Variants in ELOVL4 observed in about 807,000 individuals in gnomAD.
ELOVL4 encodes very long chain fatty acid elongase 4.
ELOVL4 carries 18 observed loss-of-function variants against 42.1 expected under a neutral mutation model. The ratio of observed to expected loss-of-function variants is 0.43; its 90% CI spans 0.30 to 0.63. The LOEUF (loss-of-function observed/expected upper bound fraction) is 0.63, where lower values mean the gene tolerates loss of function less well. ELOVL4 is among the 30% of genes least tolerant of loss of function. The pLI is 0.15. For synonymous variants in ELOVL4, 117 were observed against 127.0 expected (o/e 0.92, Z 0.53); for missense variants, 299 against 376.2 (o/e 0.79, Z 1.70).
intron 3 of ELOVL4, 141 bp from the exon 4 acceptor site, chr6:79,921,937 T>C (rs1265594278): frequency 1.3e-5 from 10 of 792,616 alleles, no homozygotes; most frequent in Non-Finnish European, 1.8e-5. Flanking sequence ...CTAAGTAGGT[T>C]TGAAAAACCT....
At chr6:79,917,194 C>T (rs1037442261) in intron 5 of ELOVL4, among the ~76,000 whole-genome samples, 1 of 152,046 alleles carries the variant, frequency 6.6e-6, no homozygotes, top group Non-Finnish European at 1.5e-5. Context: ...TTCTTTATTG[C>T]CTATCTTTCC....
At chr6:79,944,899 T>G (rs1774709920) in intron 1 of ELOVL4, among the ~76,000 whole-genome samples, 1 of 150,886 alleles carries the variant, frequency 6.6e-6, no homozygotes, top group Non-Finnish European at 1.5e-5. Flanking sequence ...AACCTCATCT[T>G]ATAAGCTACT....
At chr6:79,940,916 G>C (rs1774634713) in intron 1 of ELOVL4, among the ~76,000 whole-genome samples, 1 of 152,074 alleles carries the variant, frequency 6.6e-6, no homozygotes, top group Non-Finnish European at 1.5e-5. Context: ...CAAAAGCAAT[G>C]TTATTTCAAA....
At chr6:79,925,638 A>C (rs1448566911) in intron 2 of ELOVL4, among the ~76,000 whole-genome samples, 1 of 152,138 alleles carries the variant, frequency 6.6e-6, no homozygotes, top group African/African-American at 2.4e-5. Flanking sequence ...GTTGTGGAGA[A>C]TTTGCTAGTG....
At chr6:79,936,640 C>T (rs1408433314) in intron 1 of ELOVL4, among the ~76,000 whole-genome samples, 1 of 152,166 alleles carries the variant, frequency 6.6e-6, no homozygotes, top group Non-Finnish European at 1.5e-5. Flanking sequence ...CAAGAAGAGT[C>T]TTGGAAAGAG....
rs1379568215 is a variant in ELOVL4 at position 79,926,349 on chromosome 6, A to G, written c.133T>C (p.Ser45Pro). 1 of 1,613,906 alleles carries G rather than the reference A, an allele frequency of 6.2e-7. No individual in the cohort carries two copies. Among genetic ancestry groups the G allele is most frequent in the African/African-American group, 1.3e-5 (1 of 74,922 alleles). Reference protein sequence around the residue: ...KRVENWPLMQSPWPTLSISTL... With the variant: ...KRVENWPLMQPPWPTLSISTL... Reference sequence around the variant, plus strand: ...CTTATACTTAGTGTAGGCCAAGGAGACTGCATCAGAGGCCAATTTTCCACA... The same window carrying G: ...CTTATACTTAGTGTAGGCCAAGGAGGCTGCATCAGAGGCCAATTTTCCACA... Residue 45 changes from serine to proline, a missense_variant, in exon 2 of 6, where the codon TCT becomes CCT. Coordinates refer to ENST00000369816, the MANE Select transcript of ELOVL4 (RefSeq NM_022726.4).
At chr6:79,934,084 G>A (rs1401178591) in intron 1 of ELOVL4, among the ~76,000 whole-genome samples, 1 of 152,216 alleles carries the variant, frequency 6.6e-6, no homozygotes, top group Non-Finnish European at 1.5e-5. Context: ...GGACAGCTAG[G>A]TGGAGGCGTC....
intron 1 of ELOVL4, among the ~76,000 whole-genome samples, chr6:79,928,489 G>A (rs969329002): frequency 6.6e-6 from 1 of 152,034 alleles, no homozygotes; most frequent in Non-Finnish European, 1.5e-5. Flanking sequence ...AAGTAAAAGT[G>A]CTCATTCTTT....
intron 1 of ELOVL4, among the ~76,000 whole-genome samples, chr6:79,927,422 A>T (rs1401878718): frequency 6.6e-6 from 1 of 152,176 alleles, no homozygotes; most frequent in Non-Finnish European, 1.5e-5. Context: ...ACCAACCTAA[A>T]TGAATTTAAC....
rs1016517878 is a variant in ELOVL4, at chr6:79,947,037, C to T, written c.100+143G>A. 4.3e-6 allele frequency: 3 copies of T among 697,616 alleles called. No homozygotes were observed. The South Asian group carries it at 4.9e-5, about 11-fold the overall frequency. The allele number at this position is 697,616 out of a possible 1,614,324, so 43.2% of individuals were successfully genotyped here. On this transcript the variant is annotated intron_variant, in intron 1 of 5. Transcript: ENST00000369816. ...TTAACCAGTGCTCAACCGCAGTGCC[C>T]GCGCCGGCCCCTCCGCTGATCCGCA...
At chr6:79,943,537 T>C (rs550437524) in intron 1 of ELOVL4, among the ~76,000 whole-genome samples, 4 of 152,122 alleles carry the variant, frequency 2.6e-5, no homozygotes, top group Non-Finnish European at 4.4e-5. Flanking sequence ...TTAGGAGAAG[T>C]AGAGATGAGA....
At chr6:79,920,569 G>C (rs149651825) in intron 4 of ELOVL4, among the ~76,000 whole-genome samples, 2,494 of 152,192 alleles carry the variant, frequency 0.016, 29 homozygotes, top group South Asian at 0.038. Context: ...CTTGGGGATA[G>C]GACTCAGGTC....
chr6:79,933,328 G>T (rs151666), intron 1 of ELOVL4, among the ~76,000 whole-genome samples: 35,523 of 152,018 alleles, frequency 0.23, 6,026 homozygotes, highest in African/African-American at 0.48. Flanking sequence ...CCTCCAGGGC[G>T]TAAGCGATTT....
At position 79,915,009 on chromosome 6, in the gene ELOVL4, C is replaced by T. The variant is rs1446894019; in HGVS notation, c.*1599G>A. 1 of 152,558 alleles carries T rather than the reference C, an allele frequency of 6.6e-6. No homozygotes were observed. Among genetic ancestry groups the T allele is most frequent in the Non-Finnish European group, 1.5e-5 (1 of 67,976 alleles). The allele number at this position is 152,558 out of a possible 1,614,324, so 9.5% of individuals were successfully genotyped here. On this transcript the variant is annotated 3_prime_UTR_variant, in exon 6 of 6. Coordinates refer to ENST00000369816, the MANE Select transcript of ELOVL4 (RefSeq NM_022726.4). ...TGCAAATTTTCTGTAATTCTCATGA[C>T]TGCATGCCTTTGGGGAAAAAGTATT...
At chr6:79,939,319 C>A (rs1751511034) in intron 1 of ELOVL4, among the ~76,000 whole-genome samples, 2 of 151,872 alleles carry the variant, frequency 1.3e-5, no homozygotes, top group South Asian at 2.1e-4. Context: ...ATAAAATATA[C>A]CATCTTAATC....
intron 1 of ELOVL4, among the ~76,000 whole-genome samples, chr6:79,941,816 T>C (rs1274738243): frequency 6.6e-6 from 1 of 152,234 alleles, no homozygotes; most frequent in Non-Finnish European, 1.5e-5. Context: ...CATCTCCTGA[T>C]ACATATCATA....
intron 2 of ELOVL4, among the ~76,000 whole-genome samples, chr6:79,925,940 C>T (rs1229396992): frequency 6.6e-6 from 1 of 152,118 alleles, no homozygotes; most frequent in Admixed American, 6.6e-5. Context: ...AGTTAAATAA[C>T]TTTCAATGCC....
At chr6:79,943,951 C>T (rs1340973690) in intron 1 of ELOVL4, among the ~76,000 whole-genome samples, 4 of 152,076 alleles carry the variant, frequency 2.6e-5, no homozygotes, top group Admixed American at 1.3e-4. Flanking sequence ...GAAAAGAGGG[C>T]CAATGCCAAT....
At chr6:79,943,601 T>C (rs182366982) in intron 1 of ELOVL4, among the ~76,000 whole-genome samples, 9 of 152,302 alleles carry the variant, frequency 5.9e-5, no homozygotes, top group African/African-American at 1.7e-4. Context: ...GTCCTGAGTC[T>C]GACAGATCAC....
Sources: gnomAD v4.1 joint callset for allele counts (sites outside exome capture counted in the v4.1 genomes callset) on GRCh38, gnomAD v4.1.1 for gene constraint, MANE v1.5 for transcripts, NCBI Gene and HGNC (gene_info 2026-07-23, HGNC 2026-07-21) for gene names.